AKAP7: variants seen among roughly 807,000 people sequenced by gnomAD.
AKAP7 encodes A-kinase anchoring protein 7, also known as A kinase (PRKA) anchor protein 7.
In AKAP7, 39 loss-of-function variants were observed where a neutral mutation model predicts 39.5. The ratio of observed to expected loss-of-function variants is 0.99; its 90% CI spans 0.76 to 1.29. The LOEUF (loss-of-function observed/expected upper bound fraction) is 1.29. Ranked by LOEUF, AKAP7 falls within the 50% of genes most tolerant of loss-of-function variation. The pLI is 0.00. For missense variants in AKAP7, 414 were observed against 407.7 expected, an observed-to-expected ratio of 1.02 and a Z score of -0.13; for synonymous variants, 140 against 139.1, an observed-to-expected ratio of 1.01 and a Z score of -0.05.
chr6:131,154,717 A>G (rs531028993), intron 2 of AKAP7, among the ~76,000 whole-genome samples: 1 of 152,234 alleles, frequency 6.6e-6, no homozygotes, highest in East Asian at 1.9e-4. Flanking sequence ...AATGTCATCA[A>G]ATAGCAAGAC....
In AKAP7 at chr6:131,184,564, A is replaced by C. The variant is rs144973300; in HGVS notation, c.590-14897A>C. 1.8e-4 allele frequency: 133 copies of C among 726,464 alleles called. 1 individual carries two copies. In the East Asian group the frequency reaches 3.1e-3, roughly 17 times the overall value. The allele number at this position is 726,464 out of a possible 1,614,324, so 45.0% of individuals were successfully genotyped here. ...AGTATGTCTTCACTGCCCCATCATCATGGGGGTGAAATGGAGGCAAGATGG... is the reference window on the plus strand; with the variant it reads ...AGTATGTCTTCACTGCCCCATCATCCTGGGGGTGAAATGGAGGCAAGATGG... On this transcript the variant is annotated intron_variant, in intron 5 of 7. Coordinates refer to ENST00000431975, the MANE Select transcript of AKAP7 (RefSeq NM_016377.4).
At chr6:131,273,697 A>G (rs1409234945) in intron 7 of AKAP7, among the ~76,000 whole-genome samples, 2 of 152,194 alleles carry the variant, frequency 1.3e-5, no homozygotes, top group East Asian at 3.8e-4. Flanking sequence ...GAAATTAAGA[A>G]TGAGAAAAGT....
At chr6:131,251,376 A>T (rs1314138450) in intron 7 of AKAP7, among the ~76,000 whole-genome samples, 1 of 152,212 alleles carries the variant, frequency 6.6e-6, no homozygotes, top group Non-Finnish European at 1.5e-5. Context: ...GAAATAGGGA[A>T]TTTTTACTTC....
At chr6:131,244,673 A>G (rs1811858406) in intron 7 of AKAP7, among the ~76,000 whole-genome samples, 1 of 152,224 alleles carries the variant, frequency 6.6e-6, no homozygotes, top group Non-Finnish European at 1.5e-5. Context: ...GAAAATTGGC[A>G]CTAAGCAGAA....
intron 7 of AKAP7, among the ~76,000 whole-genome samples, chr6:131,233,968 A>T (rs1472377865): frequency 6.6e-6 from 1 of 152,144 alleles, no homozygotes; most frequent in Non-Finnish European, 1.5e-5. Context: ...CTTTATTGTT[A>T]TATAGTTACT....
chr6:131,256,497 G>A (rs1291569953), intron 7 of AKAP7, among the ~76,000 whole-genome samples: 1 of 152,000 alleles, frequency 6.6e-6, no homozygotes, highest in African/African-American at 2.4e-5. Context: ...TTTCCATGAG[G>A]AATAGCAAGG....
intron 7 of AKAP7, among the ~76,000 whole-genome samples, chr6:131,265,603 TATAA>T: frequency 6.6e-6 from 1 of 152,196 alleles, no homozygotes; most frequent in South Asian, 2.1e-4. Context: ...GAGAAAGCAA[TATAA>T]ATAGTTTCTG....
intron 7 of AKAP7, among the ~76,000 whole-genome samples, chr6:131,280,912 A>G (rs1437405019): frequency 6.6e-6 from 1 of 152,182 alleles, no homozygotes. Flanking sequence ...TCATAATCCT[A>G]ATTTTTCTTT....
chr6:131,199,576 G>T lies in AKAP7; in HGVS notation c.702+3G>T. 5 of 1,584,290 alleles carry T rather than the reference G, an allele frequency of 3.2e-6. No homozygotes were observed. Among genetic ancestry groups the T allele is most frequent in the Non-Finnish European group, 4.3e-6 (5 of 1,152,990 alleles). Reference sequence around the variant, plus strand: ...AATCACCGTGGCTCCGTAAGAATGTGAGTGCATGTTCTTATTGCAAGCCTG... The same window carrying T: ...AATCACCGTGGCTCCGTAAGAATGTTAGTGCATGTTCTTATTGCAAGCCTG... On this transcript the variant is annotated splice_donor_region_variant and intron_variant, in intron 6 of 7. Transcript: ENST00000431975.
At chr6:131,185,659 AT>A (rs1805772894) in intron 5 of AKAP7, among the ~76,000 whole-genome samples, 1 of 152,162 alleles carries the variant, frequency 6.6e-6, no homozygotes, top group Non-Finnish European at 1.5e-5. Context: ...CCTTTTGCCC[AT>A]TTTTAAACCA....
intron 7 of AKAP7, among the ~76,000 whole-genome samples, chr6:131,273,186 T>G (rs1167874025): frequency 6.6e-6 from 1 of 152,196 alleles, no homozygotes; most frequent in East Asian, 1.9e-4. Context: ...TTTTCCGTAT[T>G]ATTACCTTTA....
At chr6:131,266,622 C>T (rs1813817874) in intron 7 of AKAP7, among the ~76,000 whole-genome samples, 2 of 151,950 alleles carry the variant, frequency 1.3e-5, no homozygotes, top group Admixed American at 6.6e-5. Context: ...AAATTACTTT[C>T]TTCAGTCATT....
intron 7 of AKAP7, chr6:131,242,262 G>T: frequency 1.1e-6 from 1 of 910,794 alleles, no homozygotes; most frequent in Non-Finnish European, 1.3e-6. Context: ...TGGTACCAAA[G>T]AACCATAGCT....
intron 7 of AKAP7, among the ~76,000 whole-genome samples, chr6:131,280,562 C>T (rs1815118869): frequency 6.6e-6 from 1 of 152,174 alleles, no homozygotes; most frequent in Admixed American, 6.5e-5. Flanking sequence ...CTTCTAGAAC[C>T]CATGGGTAAT....
In AKAP7 at chr6:131,165,115, T is replaced by G. The variant is rs751620207; in HGVS notation, c.326T>G (p.Ile109Arg). ...IKGIKILQNA[I>R]IQQDERLAKA... ...GGAATTAAGATCCTGCAGAATGCAA[T>G]AATACAACAAGATGAGCGACTGGCC... Residue 109 changes from isoleucine to arginine, a missense_variant, in exon 4 of 8, where the codon ATA becomes AGA. By Grantham distance (97) the Ile-to-Arg change is moderately conservative. Coordinates refer to ENST00000431975, the MANE Select transcript of AKAP7 (RefSeq NM_016377.4). 6.2e-7 allele frequency: 1 copy of G among 1,611,474 alleles called. No homozygotes were observed. Among genetic ancestry groups the G allele is most frequent in the Non-Finnish European group, 8.5e-7 (1 of 1,178,528 alleles).
At chr6:131,157,494 A>G (rs1802525387) in intron 2 of AKAP7, among the ~76,000 whole-genome samples, 2 of 152,218 alleles carry the variant, frequency 1.3e-5, no homozygotes, top group Non-Finnish European at 2.9e-5. Flanking sequence ...TCATTAGCAT[A>G]TTTTGTTACT....
intron 7 of AKAP7, among the ~76,000 whole-genome samples, chr6:131,280,256 G>A (rs1815094199): frequency 6.6e-6 from 1 of 152,122 alleles, no homozygotes; most frequent in South Asian, 2.1e-4. Flanking sequence ...CAGTTGCTAA[G>A]GGTTCCCACT....
chr6:131,139,710 G>A (rs914430641), intron 1 of AKAP7, among the ~76,000 whole-genome samples: 5 of 152,178 alleles, frequency 3.3e-5, no homozygotes, highest in African/African-American at 1.2e-4. Flanking sequence ...CACCTATTGT[G>A]AGCTGAACTC....
chr6:131,135,150 C>G (rs1178838607), upstream of AKAP7, among the ~76,000 whole-genome samples: 1 of 152,198 alleles, frequency 6.6e-6, no homozygotes, highest in Non-Finnish European at 1.5e-5. Context: ...CAATCAGAAC[C>G]CTGATTGCAA....
Sources: gnomAD v4.1 joint callset for allele counts (sites outside exome capture counted in the v4.1 genomes callset) on GRCh38, gnomAD v4.1.1 for gene constraint, MANE v1.5 for transcripts, NCBI Gene and HGNC (gene_info 2026-07-23, HGNC 2026-07-21) for gene names.